The following PTPRN2 variants were observed in gnomAD, a reference collection of about 807,000 sequenced individuals.
The protein encoded by PTPRN2 is receptor-type tyrosine-protein phosphatase N2.
Under a neutral mutation model 118.8 loss-of-function variants are expected in PTPRN2, and 74 were observed. The ratio of observed to expected loss-of-function variants is 0.62; its 90% CI spans 0.52 to 0.76. PTPRN2 has a LOEUF of 0.76. PTPRN2 is among the 30% of genes least tolerant of loss of function. The pLI, the probability that PTPRN2 is intolerant of heterozygous loss-of-function variation, is 0.00. For missense variants in PTPRN2, 1,481 were observed against 1,394.4 expected (o/e 1.06, Z -0.99); for synonymous variants, 641 against 608.0 (o/e 1.05, Z -0.80).
Position 158,344,764 on chromosome 7 carries a change from C to A in PTPRN2, c.164-27832G>T, listed in dbSNP as rs201931865. On this transcript the variant is annotated intron_variant, in intron 2 of 22. Coordinates refer to ENST00000389418, the MANE Select transcript of PTPRN2 (RefSeq NM_002847.5). ...ACGATTTGCAATGTGCAGGAACAGA[C>A]CCCAGCACCTTTCATCGGTGGGTTT... is the stretch of plus-strand genomic sequence containing the variant. Among the ~76,000 whole-genome samples, 6 of 152,254 alleles carry A rather than the reference C, an allele frequency of 3.9e-5. No homozygotes were observed. The East Asian group carries it at 1.2e-3, about 29-fold the overall frequency.
intron 3 of PTPRN2, among the ~76,000 whole-genome samples, chr7:158,283,449 A>G (rs1177330192): frequency 6.6e-6 from 1 of 152,180 alleles, no homozygotes; most frequent in African/African-American, 2.4e-5. Flanking sequence ...CTGAGAGGGT[A>G]ACCAGGCTTC....
chr7:158,067,103 C>G (rs890058798), intron 11 of PTPRN2, among the ~76,000 whole-genome samples: 14 of 152,174 alleles, frequency 9.2e-5, no homozygotes, highest in African/African-American at 3.1e-4. Context: ...AGTTACTGTT[C>G]AGGTTACTAT....
At chr7:158,340,685 A>C (rs372145449) in intron 2 of PTPRN2, among the ~76,000 whole-genome samples, 85 of 86,872 alleles carry the variant, frequency 9.8e-4, no homozygotes, top group East Asian at 1.5e-3. Flanking sequence ...CACTCTCACC[A>C]TAAGAGGTGA....
At chr7:158,324,844 G>A (rs1303708660) in intron 2 of PTPRN2, among the ~76,000 whole-genome samples, 5 of 152,104 alleles carry the variant, frequency 3.3e-5, no homozygotes, top group East Asian at 1.9e-4. Flanking sequence ...TTGATACCCT[G>A]TGAGGAAAGT....
intron 2 of PTPRN2, among the ~76,000 whole-genome samples, chr7:158,337,359 TCCCTC>T (rs1805828205): frequency 1.2e-5 from 1 of 85,412 alleles, no homozygotes. Context: ...CCTGCAGACG[TCCCTC>T]ACACCCACAC....
chr7:158,243,782 T>G lies in PTPRN2; in HGVS notation c.278-38509A>C, dbSNP rs568087682. ...ATAGTCTCTGCTAAGTACTAAGCAC[T>G]AGTCACTACTATATATCTCCTAAGT... On this transcript the variant is annotated intron_variant, in intron 3 of 22. Transcript: ENST00000389418. Among the ~76,000 whole-genome samples the G allele has an allele frequency of 8.8e-5, 9 of 101,750 alleles. No homozygotes were observed. In the South Asian group the frequency reaches 2.5e-3, roughly 28 times the overall value. The allele number at this position is 101,750 out of a possible 152,430, so 66.8% of individuals were successfully genotyped here.
At chr7:158,443,860 C>T (rs747420996) in intron 2 of PTPRN2, among the ~76,000 whole-genome samples, 1 of 152,138 alleles carries the variant, frequency 6.6e-6, no homozygotes. Context: ...CCACCAGCAA[C>T]GGGGCTGCCT....
At chr7:158,581,863 G>C (rs1828644406) in intron 1 of PTPRN2, among the ~76,000 whole-genome samples, 1 of 152,238 alleles carries the variant, frequency 6.6e-6, no homozygotes, top group South Asian at 2.1e-4. Flanking sequence ...CCGAGGTCCA[G>C]TTTTCCAGCT....
chr7:157,916,541 C>T (rs115640405), intron 11 of PTPRN2, among the ~76,000 whole-genome samples: 2,532 of 152,326 alleles, frequency 0.017, 56 homozygotes, highest in African/African-American at 0.056. Flanking sequence ...GTTCGAGAAG[C>T]ACCAAGACGC....
rs1386299323 is a variant in PTPRN2, at chr7:158,059,762, G to A, written c.1723+21536C>T. ...CTGCAGCCACACTCCATCTGCCCAC[G>A]GTGACGCATCACTGCAGCCACACTC... On this transcript the variant is annotated intron_variant, in intron 11 of 22. Coordinates refer to ENST00000389418, the MANE Select transcript of PTPRN2 (RefSeq NM_002847.5). Among the ~76,000 whole-genome samples, 11 of 123,170 alleles carry A rather than the reference G, an allele frequency of 8.9e-5. No homozygotes were observed. The East Asian group carries it at 2.7e-3, about 31-fold the overall frequency. 80.8% of individuals were successfully genotyped at this position (123,170 alleles called of 152,430 possible).
At position 158,226,282 on chromosome 7, in the gene PTPRN2, GAGA is replaced by G. The variant is rs145302966; in HGVS notation, c.278-21012_278-21010del. Among the ~76,000 whole-genome samples, 1,132 of 151,860 alleles carry G rather than the reference GAGA, an allele frequency of 7.5e-3. 17 individuals are homozygous for G. Among genetic ancestry groups the G allele is most frequent in the African/African-American group, 0.026 (1,069 of 41,152 alleles). The stretch of plus-strand genomic sequence containing the variant: ...CAGAGAACACTAGTGTGGATAGTTT[GAGA>G]AGCAGAATTGGTAAAAATAATCAGT... On this transcript the variant is annotated intron_variant, in intron 3 of 22. Transcript: ENST00000389418.
intron 12 of PTPRN2, among the ~76,000 whole-genome samples, chr7:157,734,001 CT>C (rs1800131361): frequency 1.9e-5 from 2 of 105,370 alleles, no homozygotes; most frequent in African/African-American, 4.0e-5. Context: ...CACAGTTACC[CT>C]TTTCCGTCCC....
chr7:158,282,373 T>C (rs1163311274), intron 3 of PTPRN2, among the ~76,000 whole-genome samples: 1 of 152,240 alleles, frequency 6.6e-6, no homozygotes, highest in Non-Finnish European at 1.5e-5. Context: ...CTACACAATG[T>C]GGGAACTTGC....
intron 10 of PTPRN2, among the ~76,000 whole-genome samples, chr7:158,085,678 C>G (rs1318198015): frequency 7.0e-6 from 1 of 142,370 alleles, no homozygotes; most frequent in East Asian, 2.1e-4. Flanking sequence ...CCCATCCACA[C>G]CCATGACACC....
intron 1 of PTPRN2, among the ~76,000 whole-genome samples, chr7:158,490,793 C>A (rs960857836): frequency 6.6e-6 from 1 of 152,258 alleles, no homozygotes; most frequent in Admixed American, 6.5e-5. Flanking sequence ...AAGCCCCAGA[C>A]TCTCCCGGGG....
At chr7:158,077,665 AGCATGG>A (rs1812482667) in intron 11 of PTPRN2, among the ~76,000 whole-genome samples, 1 of 152,108 alleles carries the variant, frequency 6.6e-6, no homozygotes, top group African/African-American at 2.4e-5. Context: ...GAAACGGCCG[AGCATGG>A]GAGGGGATTC....
chr7:157,839,834 C>CTGT (rs1563159663), intron 12 of PTPRN2, among the ~76,000 whole-genome samples: 1 of 129,316 alleles, frequency 7.7e-6, no homozygotes, highest in African/African-American at 3.3e-5. Flanking sequence ...TGTGTGGCCA[C>CTGT]GTGTGACTGT....
intron 11 of PTPRN2, among the ~76,000 whole-genome samples, chr7:158,051,217 G>C (rs1809300851): frequency 1.3e-5 from 2 of 152,218 alleles, no homozygotes; most frequent in South Asian, 4.1e-4. Context: ...GTGTCACTTT[G>C]TGGACCAGCC....
Position 157,576,596 on chromosome 7 carries a change from C to T in PTPRN2, c.2783+17G>A, listed in dbSNP as rs1173329002. ...CGCTCAGCGCGCACTGCCCTGCCGGCGGGCCGCGCGTCATACCTGCGGAAG... is the reference window on the plus strand; with the variant it reads ...CGCTCAGCGCGCACTGCCCTGCCGGTGGGCCGCGCGTCATACCTGCGGAAG... On this transcript the variant is annotated intron_variant, in intron 19 of 22. Transcript: ENST00000389418. 1.9e-6 allele frequency: 3 copies of T among 1,595,642 alleles called. No homozygotes were observed. Among genetic ancestry groups the T allele is most frequent in the Admixed American group, 1.7e-5 (1 of 58,636 alleles).
Sources: allele counts gnomAD v4.1 joint callset (sites outside exome capture counted in the v4.1 genomes callset), GRCh38; gene constraint gnomAD v4.1.1; transcripts MANE v1.5; gene names NCBI Gene and HGNC (gene_info 2026-07-23, HGNC 2026-07-21).